Variants in DST observed in about 807,000 individuals in gnomAD.
DST encodes the protein dystonin.
Under a neutral mutation model 875.2 loss-of-function variants are expected in DST, and 253 were observed. The observed-to-expected ratio is 0.29, with a 90% confidence interval of 0.26 to 0.32. The LOEUF (loss-of-function observed/expected upper bound fraction) is 0.32, where lower values mean the gene tolerates loss of function less well. Ranked by LOEUF, DST falls within the 10% of genes least tolerant of loss-of-function variation. The probability of loss-of-function intolerance (pLI) is 1.00; values close to 1 mark genes in which losing one functional copy is unlikely to be tolerated. For missense variants in DST, 8,287 were observed against 9,111.6 expected, an observed-to-expected ratio of 0.91 and a Z score of 3.68; for synonymous variants, 3,124 against 3,197.1, an observed-to-expected ratio of 0.98 and a Z score of 0.77.
intron 4 of DST, among the ~76,000 whole-genome samples, chr6:56,773,004 G>A (rs80331807): frequency 0.024 from 3,608 of 152,212 alleles, 126 homozygotes; most frequent in African/African-American, 0.078. Context: ...TGAGCATGCT[G>A]TGGCTTCTGG....
At chr6:56,879,671 C>G (rs945896034) in intron 3 of DST, among the ~76,000 whole-genome samples, 1 of 152,058 alleles carries the variant, frequency 6.6e-6, no homozygotes, top group Non-Finnish European at 1.5e-5. Context: ...AAGTAGTATA[C>G]CATGATTAAA....
chr6:56,489,414 C>T lies in DST; in HGVS notation c.20877+76G>A, dbSNP rs575876956. On this transcript the variant is annotated intron_variant, in intron 86 of 103. Transcript: ENST00000680361. ...TTTTTTCTTTAGTGATGAATAAACA[C>T]GTGATGAAGTAAGGATTTTAAAGTG... The T allele has an allele frequency of 5.6e-5, 79 of 1,422,146 alleles. No homozygotes were observed. In the African/African-American group the frequency reaches 5.7e-4, roughly 10 times the overall value. The allele number at this position is 1,422,146 out of a possible 1,614,324, so 88.1% of individuals were successfully genotyped here. A position where few individuals can be genotyped will look rare whatever the true frequency, so the allele number is the denominator to read the frequency against.
intron 3 of DST, among the ~76,000 whole-genome samples, chr6:56,877,187 C>T (rs1202143265): frequency 3.3e-5 from 5 of 152,218 alleles, no homozygotes; most frequent in African/African-American, 1.2e-4. Flanking sequence ...CATCATCCCA[C>T]CCCAACACTA....
intron 49 of DST, among the ~76,000 whole-genome samples, chr6:56,591,252 T>G (rs1337738463): frequency 6.6e-6 from 1 of 152,250 alleles, no homozygotes; most frequent in Non-Finnish European, 1.5e-5. Flanking sequence ...CGCACTGTTA[T>G]GCAGTTTTGA....
At chr6:56,555,298 G>A in intron 60 of DST, 47 bp downstream of exon 60, 2 of 1,520,028 alleles carry the variant, frequency 1.3e-6, no homozygotes, top group African/African-American at 1.4e-5. Context: ...GGCAATATAT[G>A]ACATTTATTT....
At position 56,619,633 on chromosome 6, in the gene DST, G is replaced by A. The variant is rs2152737613; in HGVS notation, c.4929+4897C>T. The stretch of plus-strand genomic sequence containing the variant: ...GAGATTCTAATTCTAACTGATAATT[G>A]CGCTTTATTTTCTTGAGATCACTAG... On this transcript the variant is annotated intron_variant, in intron 36 of 103. Transcript: ENST00000680361. 1.9e-6 allele frequency: 3 copies of A among 1,613,630 alleles called. No homozygotes were observed. Among genetic ancestry groups the A allele is most frequent in the Non-Finnish European group, 2.5e-6 (3 of 1,179,978 alleles).
At chr6:56,747,051 G>C (rs1417264873) in intron 4 of DST, among the ~76,000 whole-genome samples, 1 of 152,186 alleles carries the variant, frequency 6.6e-6, no homozygotes, top group Admixed American at 6.5e-5. Flanking sequence ...ATACAAAACA[G>C]TGAAGGCACA....
rs763761047 is a variant in DST, at chr6:56,616,157, C to T, written c.4930-1673G>A. On this transcript the variant is annotated intron_variant, in intron 36 of 103. Transcript: ENST00000680361. ...GTGCAAATCTTTCTTGGGGACTAAC[C>T]GGCTCAGCAAAGAATCAGCAAGTTC... The T allele has an allele frequency of 2.1e-5, 34 of 1,614,056 alleles. No individual in the cohort carries two copies. The highest frequency in any genetic ancestry group is 5.0e-5 in the Admixed American group (3 of 59,990).
At chr6:56,479,146 G>A (rs1244023721) in intron 90 of DST, among the ~76,000 whole-genome samples, 3 of 152,074 alleles carry the variant, frequency 2.0e-5, no homozygotes, top group Non-Finnish European at 4.4e-5. Context: ...AGAAATACAA[G>A]CATACAAGCA....
intron 4 of DST, among the ~76,000 whole-genome samples, chr6:56,745,858 A>C (rs2152944397): frequency 6.6e-6 from 1 of 152,382 alleles, no homozygotes; most frequent in East Asian, 1.9e-4. Flanking sequence ...CTTTCTAATC[A>C]GGAAATGCAG....
intron 2 of DST, among the ~76,000 whole-genome samples, chr6:56,935,886 C>G (rs1200399151): frequency 6.6e-6 from 1 of 152,116 alleles, no homozygotes; most frequent in East Asian, 1.9e-4. Context: ...GATCACACCA[C>G]TGCACTCCAG....
At chr6:56,829,294 C>T (rs1265561426) in intron 4 of DST, among the ~76,000 whole-genome samples, 1 of 152,154 alleles carries the variant, frequency 6.6e-6, no homozygotes, top group Non-Finnish European at 1.5e-5. Context: ...AGGCCATTTG[C>T]ACACACTTAA....
intron 2 of DST, among the ~76,000 whole-genome samples, chr6:56,933,822 C>G (rs2894838): frequency 6.6e-6 from 1 of 151,894 alleles, no homozygotes; most frequent in Non-Finnish European, 1.5e-5. Flanking sequence ...AGCCATTAAG[C>G]AAAGAAAAGC....
chr6:56,645,369 T>A (rs2098936335), intron 15 of DST, among the ~76,000 whole-genome samples: 1 of 152,160 alleles, frequency 6.6e-6, no homozygotes, highest in Non-Finnish European at 1.5e-5. Context: ...ATGGAGTAAA[T>A]CCACTTGTAG....
rs7749259 is a variant in DST, at chr6:56,879,465, C to T, written c.417+20956G>A. Among the ~76,000 whole-genome samples, 711 of 141,790 alleles carry T rather than the reference C, an allele frequency of 5.0e-3. 8 individuals carry two copies. Among genetic ancestry groups the T allele is most frequent in the African/African-American group, 0.019 (668 of 35,252 alleles). 93.0% of individuals were successfully genotyped at this position (141,790 alleles called of 152,430 possible). On this transcript the variant is annotated intron_variant, in intron 3 of 103. Coordinates refer to ENST00000680361, the MANE Select transcript of DST (RefSeq NM_001374736.1). ...CACCCTGGGAGACAGAGCGAGACTT[C>T]GTCTCGGAAAAAAAAAAAAATAGTT...
chr6:56,946,780 G>A (rs1819713802), intron 2 of DST, among the ~76,000 whole-genome samples: 1 of 152,138 alleles, frequency 6.6e-6, no homozygotes, highest in South Asian at 2.1e-4. Flanking sequence ...TAGGCCTGAG[G>A]ATTTCATAGG....
At chr6:56,953,956 G>A in intron 1 of DST, 137 bp from the exon 2 acceptor site, 2 of 439,658 alleles carry the variant, frequency 4.5e-6, no homozygotes, top group Non-Finnish European at 8.4e-6. Flanking sequence ...CATCCTGGGG[G>A]AGGGAGGAGG....
chr6:56,780,127 G>C (rs966657370), intron 4 of DST, among the ~76,000 whole-genome samples: 3 of 151,668 alleles, frequency 2.0e-5, no homozygotes, highest in African/African-American at 4.9e-5. Context: ...GTCTATCATT[G>C]TTGGACATTT....
rs539276155 is a variant in DST at position 56,908,098 on chromosome 6, T to C, written c.217-7477A>G. Among the ~76,000 whole-genome samples the C allele has an allele frequency of 1.8e-3, 264 of 150,616 alleles. 5 individuals carry two copies. The highest frequency in any genetic ancestry group is 3.6e-3 in the South Asian group (17 of 4,772). Reference sequence around the variant, plus strand: ...AAAAAAGAAAATACATATATATATATACACACACACACACACACATATATA... The same window carrying C: ...AAAAAAGAAAATACATATATATATACACACACACACACACACACATATATA... On this transcript the variant is annotated intron_variant, in intron 2 of 103. Coordinates refer to ENST00000680361, the MANE Select transcript of DST (RefSeq NM_001374736.1).
Sources: allele counts gnomAD v4.1 joint callset (sites outside exome capture counted in the v4.1 genomes callset), GRCh38; gene constraint gnomAD v4.1.1; transcripts MANE v1.5; gene names NCBI Gene and HGNC (gene_info 2026-07-23, HGNC 2026-07-21).